Variants in RDH16 observed in about 807,000 individuals in gnomAD.
The protein encoded by RDH16 is human epidermal retinol dehydrogenase.
A neutral mutation model predicts 22.3 loss-of-function variants in RDH16; 25 were observed. The observed-to-expected ratio is 1.12, with a 90% confidence interval of 0.82 to 1.56. The LOEUF (loss-of-function observed/expected upper bound fraction) is 1.56, where lower values mean the gene tolerates loss of function less well. Among genes scored for constraint, RDH16 ranks in the 40% most tolerant of loss-of-function variants. RDH16 has a pLI of 0.00. For missense variants in RDH16, 413 were observed against 394.9 expected, an observed-to-expected ratio of 1.05 and a Z score of -0.39; for synonymous variants, 154 against 164.4, an observed-to-expected ratio of 0.94 and a Z score of 0.48.
rs1195848414 is a variant in RDH16 at position 56,952,159 on chromosome 12, C to A, written c.824G>T (p.Cys275Phe). 6.2e-7 allele frequency: 1 copy of A among 1,614,042 alleles called. No individual in the cohort carries two copies. Among genetic ancestry groups the A allele is most frequent in the Non-Finnish European group, 8.5e-7 (1 of 1,180,022 alleles). ...AGCTGAGTAGCGAGTACGGGGGTGGCAGGCAATCAGCGCATGCTCCATGCA... is the reference window on the plus strand; with the variant it reads ...AGCTGAGTAGCGAGTACGGGGGTGGAAGGCAATCAGCGCATGCTCCATGCA... ...TNCMEHALIA[C>F]HPRTRYSAGW... The change falls in exon 4 of 4, where the codon TGC becomes TTC. Residue 275 changes from cysteine (C) to phenylalanine (F), a missense_variant. Coordinates refer to ENST00000398138, the MANE Select transcript of RDH16 (RefSeq NM_003708.5).
rs774051385 is a variant in RDH16 at position 56,952,085 on chromosome 12, A to G, written c.898T>C (p.Phe300Leu). Residue 300 changes from phenylalanine to leucine, a missense_variant, in exon 4 of 4, where the codon TTC becomes CTC. Coordinates refer to ENST00000398138, the MANE Select transcript of RDH16 (RefSeq NM_003708.5). ...CAGTACATAATGGCATCCACCAGGA[A>G]GGTGGGCATGTAGCTCATGGGGAGG... ...LYLPMSYMPTFLVDAIMYWVS... is the reference protein window; with the variant it reads ...LYLPMSYMPTLLVDAIMYWVS... 1.2e-6 allele frequency: 2 copies of G among 1,614,186 alleles called. No homozygotes were observed. Among genetic ancestry groups the G allele is most frequent in the Admixed American group, 3.3e-5 (2 of 60,032 alleles).
Position 56,955,204 on chromosome 12 carries a change from G to A in RDH16, c.314-40C>T, listed in dbSNP as rs746261617. On this transcript the variant is annotated intron_variant, in intron 1 of 3. Coordinates refer to ENST00000398138, the MANE Select transcript of RDH16 (RefSeq NM_003708.5). The stretch of plus-strand genomic sequence containing the variant: ...AGATGAGAGAGCATCACTGTGTTGT[G>A]CCTGTGCAGGTGGACAGAGTTAGGG... 5.0e-6 allele frequency: 8 copies of A among 1,610,108 alleles called. No individual in the cohort carries two copies. The East Asian group carries it at 1.8e-4, about 36-fold the overall frequency.
rs116395014 is a variant in RDH16 at position 56,955,244 on chromosome 12, C to G, written c.314-80G>C. On this transcript the variant is annotated intron_variant, in intron 1 of 3. Transcript: ENST00000398138. Reference sequence around the variant, plus strand: ...CAGAGTTAGGGTGCAAATCACATCCCAATAAAGTGAGGGCAGACTGACAGG... The same window carrying G: ...CAGAGTTAGGGTGCAAATCACATCCGAATAAAGTGAGGGCAGACTGACAGG... 3,156 of 1,534,198 alleles carry G rather than the reference C, an allele frequency of 2.1e-3. 60 individuals carry two copies. In the African/African-American group the frequency reaches 0.038, roughly 18 times the overall value.
intron 2 of RDH16, 88 bp downstream of exon 2, chr12:56,954,818 G>A: frequency 3.6e-6 from 5 of 1,402,120 alleles, no homozygotes; most frequent in Non-Finnish European, 4.9e-6. Context: ...GGAACTTACA[G>A]GCTGGGATTC....
In RDH16 at chr12:56,954,827, T is replaced by C. The variant is rs540492587; in HGVS notation, c.572+79A>G. ...ATGAAAGGAACTTACAGGCTGGGAT[T>C]CAAGGAACTCCCTGGAAAAGACTTC... On this transcript the variant is annotated intron_variant, in intron 2 of 3. Coordinates refer to ENST00000398138, the MANE Select transcript of RDH16 (RefSeq NM_003708.5). 6.0e-6 allele frequency: 9 copies of C among 1,492,786 alleles called. No homozygotes were observed. In the East Asian group the frequency reaches 6.8e-5, roughly 11 times the overall value. The allele number at this position is 1,492,786 out of a possible 1,614,324, so 92.5% of individuals were successfully genotyped here. A position where few individuals can be genotyped will look rare whatever the true frequency, so the allele number is the denominator to read the frequency against.
chr12:56,953,533 T>A (rs577108774), intron 2 of RDH16, among the ~76,000 whole-genome samples: 3 of 152,322 alleles, frequency 2.0e-5, no homozygotes, highest in African/African-American at 7.2e-5. Flanking sequence ...GCCAACAGCA[T>A]AAGCCACAAC....
rs79452479 is a variant in RDH16, at chr12:56,951,623, C to A, written c.*406G>T. The A allele has an allele frequency of 4.6e-6, 1 of 218,536 alleles. No homozygotes were observed. Among genetic ancestry groups the A allele is most frequent in the Admixed American group, 5.0e-5 (1 of 20,016 alleles). The allele number at this position is 218,536 out of a possible 1,614,324, so 13.5% of individuals were successfully genotyped here. A position where few individuals can be genotyped will look rare whatever the true frequency, so the allele number is the denominator to read the frequency against. On this transcript the variant is annotated 3_prime_UTR_variant, in exon 4 of 4. Coordinates refer to ENST00000398138, the MANE Select transcript of RDH16 (RefSeq NM_003708.5). ...CACATCCTCCAGGCCATTTCCACCC[C>A]GTGGGAGGGTGTAGACTGGCCCAGA...
rs371905314 is a variant in RDH16, at chr12:56,952,249, G to A, written c.737-3C>T. On this transcript the variant is annotated splice_region_variant and splice_polypyrimidine_tract_variant and intron_variant, in intron 3 of 3. Transcript: ENST00000398138. ...CATTTGTTCAGCTGATTTCTTATCT[G>A]TTAAGAATCAGAAACAATCCATGTA... The A allele has an allele frequency of 1.3e-5, 21 of 1,613,094 alleles. No individual in the cohort carries two copies. Among genetic ancestry groups the A allele is most frequent in the Non-Finnish European group, 1.8e-5 (21 of 1,179,428 alleles).
intron 1 of RDH16, 54 bp from the exon 2 acceptor site, chr12:56,955,218 A>T: frequency 2.5e-6 from 4 of 1,602,180 alleles, no homozygotes; most frequent in Non-Finnish European, 3.4e-6. Flanking sequence ...GTGCAGGTGG[A>T]CAGAGTTAGG....
At position 56,954,918 on chromosome 12, in the gene RDH16, G is replaced by A; in HGVS notation, c.560C>T (p.Ser187Phe). ...CCCAGACCCATACCTGAGGGAGTCA[G>A]AGAAGGCTTCCACGCCATACTTGGA... The part of the protein sequence containing the change: ...CISKYGVEAF[S>F]DSLRRELSYF... The change falls in exon 2 of 4, where the codon TCT (serine) becomes TTT (phenylalanine). Residue 187 changes from serine to phenylalanine, a missense_variant. By Grantham distance (155) the Ser-to-Phe change is radical (BLOSUM62 -2). Coordinates refer to ENST00000398138, the MANE Select transcript of RDH16 (RefSeq NM_003708.5). 6.2e-7 allele frequency: 1 copy of A among 1,614,170 alleles called. No individual in the cohort carries two copies. Among genetic ancestry groups the A allele is most frequent in the Non-Finnish European group, 8.5e-7 (1 of 1,180,026 alleles).
chr12:56,957,143 T>C lies in RDH16; in HGVS notation c.313+7A>G, dbSNP rs1264426841. The C allele has an allele frequency of 2.5e-6, 4 of 1,599,238 alleles. No individual in the cohort carries two copies. Among genetic ancestry groups the C allele is most frequent in the Non-Finnish European group, 3.4e-6 (4 of 1,170,094 alleles). On this transcript the variant is annotated splice_region_variant and intron_variant, in intron 1 of 3. Coordinates refer to ENST00000398138, the MANE Select transcript of RDH16 (RefSeq NM_003708.5). ...CACAGACAGACTTGACAAACCTGGG[T>C]GGTTACCTTTGTCTCTCACGCACTC...
chr12:56,954,412 C>A (rs1955908275), intron 2 of RDH16, among the ~76,000 whole-genome samples: 2 of 152,202 alleles, frequency 1.3e-5, no homozygotes, highest in Admixed American at 6.5e-5. Flanking sequence ...TTTCTCTGCT[C>A]CTTCTCTAGG....
chr12:56,954,669 T>C (rs1341072428), intron 2 of RDH16, among the ~76,000 whole-genome samples: 2 of 152,172 alleles, frequency 1.3e-5, no homozygotes, highest in African/African-American at 4.8e-5. Flanking sequence ...GGAAGAGGTA[T>C]CGTTCAAGAA....
intron 1 of RDH16, among the ~76,000 whole-genome samples, chr12:56,955,440 A>G (rs1206143093): frequency 6.6e-6 from 1 of 152,190 alleles, no homozygotes; most frequent in Non-Finnish European, 1.5e-5. Flanking sequence ...GACTGCATGA[A>G]ATCATGTTAA....
intron 1 of RDH16, among the ~76,000 whole-genome samples, chr12:56,955,663 AAT>A (rs1229303263): frequency 6.6e-6 from 1 of 152,152 alleles, no homozygotes; most frequent in Admixed American, 6.5e-5. Context: ...ACAGACCTGA[AAT>A]CCTAGGCTTG....
chr12:56,952,074 A>G lies in RDH16; in HGVS notation c.909T>C (p.Asp303=), dbSNP rs1955885286. 1 of 1,614,168 alleles carries G rather than the reference A, an allele frequency of 6.2e-7. No homozygotes were observed. Among genetic ancestry groups the G allele is most frequent in the Non-Finnish European group, 8.5e-7 (1 of 1,180,022 alleles). ...PMSYMPTFLV[D]AIMYWVSPSP... ...TTGGAGAGACCCAGTACATAATGGC[A>G]TCCACCAGGAAGGTGGGCATGTAGC... is the stretch of plus-strand genomic sequence containing the variant. The change falls in exon 4 of 4, where the codon GAT becomes GAC. Residue 303 remains aspartate, a synonymous_variant. Transcript: ENST00000398138.
Position 56,952,258 on chromosome 12 carries a change from C to T in RDH16, c.737-12G>A. The T allele has an allele frequency of 6.2e-7, 1 of 1,611,654 alleles. No individual in the cohort carries two copies. Among genetic ancestry groups the T allele is most frequent in the Non-Finnish European group, 8.5e-7 (1 of 1,178,314 alleles). ...AGCTGATTTCTTATCTGTTAAGAAT[C>T]AGAAACAATCCATGTATATTTCCAC... On this transcript the variant is annotated splice_polypyrimidine_tract_variant and intron_variant, in intron 3 of 3. Transcript: ENST00000398138.
intron 3 of RDH16, 141 bp downstream of exon 3, chr12:56,952,686 T>C: frequency 9.4e-7 from 1 of 1,060,888 alleles, no homozygotes; most frequent in South Asian, 1.7e-5. Context: ...GCACCCATCA[T>C]GGAAATGGGG....
chr12:56,954,795 T>C (rs1955911512), intron 2 of RDH16, 111 bp downstream of exon 2: 2 of 1,130,974 alleles, frequency 1.8e-6, no homozygotes, highest in Non-Finnish European at 1.3e-6. Context: ...AGACAGAGAG[T>C]GATCTCATGA....
Sources: allele counts gnomAD v4.1 joint callset (sites outside exome capture counted in the v4.1 genomes callset), GRCh38; gene constraint gnomAD v4.1.1; transcripts MANE v1.5; gene names NCBI Gene and HGNC (gene_info 2026-07-23, HGNC 2026-07-21).